Variants in MYNN observed in about 807,000 individuals in gnomAD.
MYNN encodes the protein myoneurin.
MYNN carries 22 observed loss-of-function variants against 57.2 expected under a neutral mutation model. That is an observed-to-expected ratio of 0.38 (90% confidence interval 0.27 to 0.55). The LOEUF (loss-of-function observed/expected upper bound fraction) is 0.55. MYNN is among the 20% of genes least tolerant of loss of function. MYNN has a pLI of 0.71. For missense variants in MYNN, 566 were observed against 723.1 expected, an observed-to-expected ratio of 0.78 and a Z score of 2.49; for synonymous variants, 241 against 257.1, an observed-to-expected ratio of 0.94 and a Z score of 0.60.
In MYNN at chr3:169,778,937, A is replaced by C; in HGVS notation, c.436A>C (p.Thr146Pro). Residue 146 changes from threonine (T) to proline (P), a missense_variant, in exon 3 of 8, where the codon ACT (threonine) becomes CCT (proline). Physicochemically the swap from Thr to Pro is conservative, Grantham distance 38. Transcript: ENST00000349841. ...IELNQQTCLL[T>P]LRDYNNREKS... is the part of the protein sequence containing the mutation. ...ATTGAATCAACAGACTTGTCTTCTTACTCTGCGAGATTATAATAATCGAGA... is the reference window on the plus strand; with the variant it reads ...ATTGAATCAACAGACTTGTCTTCTTCCTCTGCGAGATTATAATAATCGAGA... 1 of 1,613,932 alleles carries C rather than the reference A, an allele frequency of 6.2e-7. No individual in the cohort carries two copies. Among genetic ancestry groups the C allele is most frequent in the Non-Finnish European group, 8.5e-7 (1 of 1,179,982 alleles).
At position 169,774,169 on chromosome 3, in the gene MYNN, G is replaced by T. The variant is rs192213312; in HGVS notation, c.-31-96G>T. On this transcript the variant is annotated intron_variant, in intron 1 of 7. Transcript: ENST00000349841. ...ATGTTTGATAAGGATTTTCAAGGGG[G>T]CTAAAATTGTTTAAGTTATGTCCTC... 10 of 886,584 alleles carry T rather than the reference G, an allele frequency of 1.1e-5. No homozygotes were observed. The African/African-American group carries it at 1.5e-4, about 13-fold the overall frequency. The allele number at this position is 886,584 out of a possible 1,614,324, so 54.9% of individuals were successfully genotyped here.
intron 6 of MYNN, 38 bp downstream of exon 6, chr3:169,783,598 T>C: frequency 1.4e-6 from 2 of 1,407,400 alleles, no homozygotes; most frequent in Non-Finnish European, 2.0e-6. Context: ...TTTTGTTCTC[T>C]CTTAATTTCT....
intron 7 of MYNN, 152 bp downstream of exon 7, chr3:169,784,860 A>G (rs1577401555): frequency 5.2e-6 from 2 of 384,724 alleles, no homozygotes; most frequent in East Asian, 4.2e-5. Context: ...TGAGGAAAGT[A>G]GCTTTTTTGC....
At chr3:169,775,170 T>C (rs375219951) in intron 2 of MYNN, among the ~76,000 whole-genome samples, 16 of 152,332 alleles carry the variant, frequency 1.1e-4, no homozygotes, top group African/African-American at 3.8e-4. Flanking sequence ...CTACCAGTAC[T>C]AATACTGAAG....
chr3:169,783,037 T>C (rs1246479610), intron 5 of MYNN, among the ~76,000 whole-genome samples: 2 of 152,136 alleles, frequency 1.3e-5, no homozygotes, highest in African/African-American at 4.8e-5. Flanking sequence ...CCTACACAGA[T>C]ATTCTGGGAT....
Position 169,786,564 on chromosome 3 carries a change from T to A in MYNN, c.1719T>A (p.His573Gln), listed in dbSNP as rs893365781. ...CTCTTCCACTTGGGACTGAGGACCA[T>A]CACATGCTTCTGCCTGTCACGGATA... ...PLALPLGTED[H>Q]HMLLPVTDTQ... is the part of the protein sequence containing the mutation. The change falls in exon 8 of 8, where the codon CAT becomes CAA. Residue 573 changes from histidine (H) to glutamine (Q), a missense_variant. His to Gln is a conservative substitution (Grantham distance 24). Coordinates refer to ENST00000349841, the MANE Select transcript of MYNN (RefSeq NM_018657.5). 12 of 1,613,754 alleles carry A rather than the reference T, an allele frequency of 7.4e-6. No homozygotes were observed. The highest frequency in any genetic ancestry group is 9.3e-6 in the Non-Finnish European group (11 of 1,179,696).
chr3:169,776,417 T>G (rs1163133223), intron 2 of MYNN, among the ~76,000 whole-genome samples: 1 of 152,186 alleles, frequency 6.6e-6, no homozygotes, highest in Non-Finnish European at 1.5e-5. Flanking sequence ...ACAGGTTACT[T>G]TATTTCTTTG....
chr3:169,773,515 G>A (rs908285389), intron 1 of MYNN, 53 bp downstream of exon 1: 1 of 152,610 alleles, frequency 6.6e-6, no homozygotes, highest in African/African-American at 2.4e-5. Context: ...TAGAGCCTGG[G>A]CCATCAGAGG....
chr3:169,775,093 C>T (rs541845903), intron 2 of MYNN, among the ~76,000 whole-genome samples: 15 of 152,270 alleles, frequency 9.9e-5, no homozygotes, highest in Middle Eastern at 3.4e-3. Context: ...TTTCCCATTG[C>T]TTTTTGGTCC....
intron 6 of MYNN, 98 bp from the exon 7 acceptor site, chr3:169,784,524 T>C: frequency 1.4e-6 from 1 of 739,614 alleles, no homozygotes; most frequent in Non-Finnish European, 2.3e-6. Context: ...ATTTAAACAC[T>C]ATAATAATTT....
In MYNN at chr3:169,786,842, T is replaced by C. The variant is rs1176549027; in HGVS notation, c.*164T>C. 2 of 704,834 alleles carry C rather than the reference T, an allele frequency of 2.8e-6. No individual in the cohort carries two copies. Among genetic ancestry groups the C allele is most frequent in the Non-Finnish European group, 4.6e-6 (2 of 435,960 alleles). 43.7% of individuals were successfully genotyped at this position (704,834 alleles called of 1,614,324 possible). ...TGCATCACAACTGCAATGTTTGTTT[T>C]TATTTTTGGCTTTATGTCTATACTC... On this transcript the variant is annotated 3_prime_UTR_variant, in exon 8 of 8. Transcript: ENST00000349841.
At position 169,779,063 on chromosome 3, in the gene MYNN, TC is replaced by T. The variant is rs1344598395; in HGVS notation, c.566del (p.Pro189ArgfsTer16). 6.2e-7 allele frequency: 1 copy of T among 1,614,062 alleles called. No homozygotes were observed. Among genetic ancestry groups the T allele is most frequent in the Admixed American group, 1.7e-5 (1 of 60,016 alleles). ...QTKKKKKAFN[S>X]PKTGQNKTVQ... Reference sequence around the variant, plus strand: ...GAAAAAGAAGAAGAAGGCTTTCAACTCCCCGAAAACAGGGCAGAATAAAACA... The same window carrying T: ...GAAAAAGAAGAAGAAGGCTTTCAACTCCCGAAAACAGGGCAGAATAAAACA... On this transcript the variant is annotated frameshift_variant, in exon 3 of 8. Transcript: ENST00000349841. LOFTEE classifies it high-confidence loss of function.
At position 169,782,332 on chromosome 3, in the gene MYNN, A is replaced by G. The variant is rs1778543272; in HGVS notation, c.1221-133A>G. The G allele has an allele frequency of 6.4e-6, 4 of 627,180 alleles. No homozygotes were observed. Among genetic ancestry groups the G allele is most frequent in the Admixed American group, 3.4e-5 (1 of 29,850 alleles). The allele number at this position is 627,180 out of a possible 1,614,324, so 38.9% of individuals were successfully genotyped here. On this transcript the variant is annotated intron_variant, in intron 4 of 7. Transcript: ENST00000349841. This position sits in a 1 kb window ranked among gnomAD's most constrained non-coding sequence, Gnocchi z 4.8. ...TTTTGGCAGTGTTTACACTGAAACA[A>G]CTACTGATTTTAAATACATAGTCTT... is the stretch of plus-strand genomic sequence containing the variant.
Position 169,778,914 on chromosome 3 carries a change from T to G in MYNN, c.413T>G (p.Leu138Trp). 1 of 1,614,108 alleles carries G rather than the reference T, an allele frequency of 6.2e-7. No individual in the cohort carries two copies. The highest frequency in any genetic ancestry group is 8.5e-7 in the Non-Finnish European group (1 of 1,180,024). Residue 138 changes from leucine (L) to tryptophan (W), a missense_variant, in exon 3 of 8, where the codon TTG becomes TGG. Physicochemically the swap from Leu to Trp is moderately conservative, Grantham distance 61. Transcript: ENST00000349841. ...EISSITGNIE[L>W]NQQTCLLTLR... ...TCTAGTATTACTGGAAACATTGAATTGAATCAACAGACTTGTCTTCTTACT... is the reference window on the plus strand; with the variant it reads ...TCTAGTATTACTGGAAACATTGAATGGAATCAACAGACTTGTCTTCTTACT...
At chr3:169,783,883 T>C (rs1778593934) in intron 6 of MYNN, 1 of 316,798 alleles carries the variant, frequency 3.2e-6, no homozygotes, top group African/African-American at 2.2e-5. Context: ...ACATCAGATT[T>C]TCTTACTAAA....
At position 169,787,570 on chromosome 3, in the gene MYNN, T is replaced by G. The variant is rs141198623; in HGVS notation, c.*892T>G. Reference sequence around the variant, plus strand: ...CAGAAAGAATTTTCTAGATATAAACTTAATGCATACTAGAAATCACTTGGC... The same window carrying G: ...CAGAAAGAATTTTCTAGATATAAACGTAATGCATACTAGAAATCACTTGGC... On this transcript the variant is annotated 3_prime_UTR_variant, in exon 8 of 8. Transcript: ENST00000349841. 6.6e-6 allele frequency: 1 copy of G among 152,164 alleles called. No individual in the cohort carries two copies. The highest frequency in any genetic ancestry group is 1.5e-5 in the Non-Finnish European group (1 of 67,978). The allele number at this position is 152,164 out of a possible 1,614,324, so 9.4% of individuals were successfully genotyped here.
At chr3:169,783,676 C>T in intron 6 of MYNN, 116 bp downstream of exon 6, 1 of 768,820 alleles carries the variant, frequency 1.3e-6, no homozygotes, top group Non-Finnish European at 2.4e-6. Flanking sequence ...GTACCTATAG[C>T]AATATCTTAA....
chr3:169,783,648 ATGGTATTTAG>A, intron 6 of MYNN, 88 bp downstream of exon 6: 8 of 876,396 alleles, frequency 9.1e-6, no homozygotes, highest in Middle Eastern at 4.9e-4. Flanking sequence ...TATGGACTAT[ATGGTATTTAG>A]TCATACTGTA....
chr3:169,775,265 A>G (rs1359204045), intron 2 of MYNN, among the ~76,000 whole-genome samples: 1 of 152,200 alleles, frequency 6.6e-6, no homozygotes, highest in African/African-American at 2.4e-5. Flanking sequence ...GGAATCTGAT[A>G]ATGTAGGCAC....
Sources: gnomAD v4.1 joint callset for allele counts (sites outside exome capture counted in the v4.1 genomes callset) on GRCh38, gnomAD v4.1.1 for gene constraint, Gnocchi (gnomAD v3.1) non-coding constraint, MANE v1.5 for transcripts, NCBI Gene and HGNC (gene_info 2026-07-23, HGNC 2026-07-21) for gene names.